GRM8: variants seen among roughly 807,000 people sequenced by gnomAD.
GRM8 encodes the protein metabotropic glutamate receptor 8.
Under a neutral mutation model 87.2 loss-of-function variants are expected in GRM8, and 47 were observed. That is an observed-to-expected ratio of 0.54 (90% confidence interval 0.43 to 0.69). GRM8 has a LOEUF of 0.69. GRM8 is among the 30% of genes least tolerant of loss of function. GRM8 has a pLI of 0.00. For synonymous variants in GRM8, 396 were observed against 404.5 expected (o/e 0.98, Z 0.25); for missense variants, 1,019 against 1,139.2 (o/e 0.89, Z 1.52).
At chr7:127,236,916 G>C (rs976090041) in intron 2 of GRM8, among the ~76,000 whole-genome samples, 8 of 152,242 alleles carry the variant, frequency 5.3e-5, no homozygotes, top group Admixed American at 4.6e-4. Flanking sequence ...TTACAGTCTA[G>C]TGGGGGATGC....
intron 6 of GRM8, among the ~76,000 whole-genome samples, chr7:126,850,435 T>C (rs556996653): frequency 3.9e-5 from 6 of 152,326 alleles, no homozygotes; most frequent in Admixed American, 1.3e-4. Context: ...GGAACACACC[T>C]GTAGTTGAGA....
chr7:126,701,798 G>T (rs1251144095), intron 7 of GRM8: 2 of 1,293,180 alleles, frequency 1.5e-6, no homozygotes, highest in Admixed American at 2.3e-5. Context: ...GTTGGCCAGG[G>T]TAGAGACATC....
chr7:126,536,095 A>T (rs1048231605), intron 8 of GRM8, among the ~76,000 whole-genome samples: 1 of 152,196 alleles, frequency 6.6e-6, no homozygotes, highest in African/African-American at 2.4e-5. Context: ...GCTCAAATTA[A>T]ACTTAGCTAC....
intron 9 of GRM8, among the ~76,000 whole-genome samples, chr7:126,477,129 T>G (rs943253820): frequency 1.3e-5 from 2 of 152,152 alleles, no homozygotes; most frequent in Non-Finnish European, 2.9e-5. Context: ...CTAAGTGAAG[T>G]AAGGCAGACA....
At chr7:126,964,547 CAT>C (rs745597824) in intron 3 of GRM8, among the ~76,000 whole-genome samples, 12 of 152,060 alleles carry the variant, frequency 7.9e-5, no homozygotes, top group Non-Finnish European at 1.6e-4. Flanking sequence ...AGCCAACAAA[CAT>C]ATGAAAAAAA....
At chr7:126,791,471 T>C (rs1253244881) in intron 6 of GRM8, among the ~76,000 whole-genome samples, 4 of 152,212 alleles carry the variant, frequency 2.6e-5, no homozygotes, top group Non-Finnish European at 4.4e-5. Flanking sequence ...TGTAACCAGG[T>C]AGGCTGCCAA....
chr7:126,541,741 A>G (rs1337364346), intron 8 of GRM8, among the ~76,000 whole-genome samples: 1 of 152,220 alleles, frequency 6.6e-6, no homozygotes, highest in Admixed American at 6.5e-5. Flanking sequence ...TGTTAGATAC[A>G]GATTATCAGG....
chr7:126,587,673 G>A (rs1796276825), intron 8 of GRM8, among the ~76,000 whole-genome samples: 1 of 143,482 alleles, frequency 7.0e-6, no homozygotes, highest in East Asian at 2.1e-4. Context: ...CACCGGGCCT[G>A]TCATGGGATG....
chr7:126,633,775 T>TATATGTGCCATATAA (rs1563038255), intron 7 of GRM8, among the ~76,000 whole-genome samples: 1 of 147,254 alleles, frequency 6.8e-6, no homozygotes, highest in Non-Finnish European at 1.5e-5. Context: ...TTAATCTATT[T>TATATGTGCCATATAA]ATATGTACCA....
intron 7 of GRM8, among the ~76,000 whole-genome samples, chr7:126,683,512 G>A (rs1807847701): frequency 1.3e-5 from 2 of 152,154 alleles, no homozygotes; most frequent in Non-Finnish European, 2.9e-5. Flanking sequence ...CAGACCTAGT[G>A]AGCCTTTCTC....
At chr7:126,604,318 T>G (rs1798138031) in intron 8 of GRM8, among the ~76,000 whole-genome samples, 1 of 152,116 alleles carries the variant, frequency 6.6e-6, no homozygotes. Flanking sequence ...TTGGGCTTAT[T>G]GTGTAGACAG....
At chr7:127,238,331 T>TGC (rs1472388046) in intron 2 of GRM8, among the ~76,000 whole-genome samples, 1 of 151,516 alleles carries the variant, frequency 6.6e-6, no homozygotes, top group Non-Finnish European at 1.5e-5. Context: ...TGTGTGTGTG[T>TGC]GTGTGTGTTA....
At chr7:126,714,278 A>T (rs1213806751) in intron 7 of GRM8, among the ~76,000 whole-genome samples, 1 of 137,060 alleles carries the variant, frequency 7.3e-6, no homozygotes, top group Admixed American at 7.5e-5. Flanking sequence ...ACTCCATCTC[A>T]AATAATAATA....
At chr7:127,137,329 A>C (rs1827998316) in intron 2 of GRM8, among the ~76,000 whole-genome samples, 1 of 152,076 alleles carries the variant, frequency 6.6e-6, no homozygotes, top group Non-Finnish European at 1.5e-5. Flanking sequence ...GATACCTCTA[A>C]GTTGTATAGG....
chr7:126,613,008 C>A (rs116646589), intron 7 of GRM8, among the ~76,000 whole-genome samples: 128 of 152,250 alleles, frequency 8.4e-4, no homozygotes, highest in African/African-American at 2.7e-3. Flanking sequence ...TTACTGATGA[C>A]CCTTGCATCT....
Position 126,858,130 on chromosome 7 carries a change from C to A in GRM8, c.1156+44412G>T, listed in dbSNP as rs184855139. 3.3e-5 allele frequency among the ~76,000 whole-genome samples: 5 copies of A among 152,208 alleles called. No individual in the cohort carries two copies. The East Asian group carries it at 5.8e-4, about 18-fold the overall frequency. ...AACTTGGTAATTAACCACTTCCCTT[C>A]AACCCTACACTGCCAAAGAAGAGGC... is the stretch of plus-strand genomic sequence containing the variant. On this transcript the variant is annotated intron_variant, in intron 6 of 10. Transcript: ENST00000339582.
chr7:126,498,498 A>G (rs543163903), intron 9 of GRM8, among the ~76,000 whole-genome samples: 1 of 151,430 alleles, frequency 6.6e-6, no homozygotes, highest in Admixed American at 6.6e-5. Context: ...AGACCATAGC[A>G]TGGGAAGCCC....
At chr7:126,942,394 C>T (rs1563338500) in intron 3 of GRM8, among the ~76,000 whole-genome samples, 1 of 152,082 alleles carries the variant, frequency 6.6e-6, no homozygotes. Flanking sequence ...AGGGCTGAGC[C>T]CATATTGCCA....
intron 3 of GRM8, among the ~76,000 whole-genome samples, chr7:126,984,514 G>A (rs755601190): frequency 4.4e-4 from 67 of 152,098 alleles, no homozygotes; most frequent in Non-Finnish European, 7.5e-4. Flanking sequence ...TCTTTCTCCC[G>A]TGCTAGATGC....
Sources: gnomAD v4.1 joint callset for allele counts (sites outside exome capture counted in the v4.1 genomes callset) on GRCh38, gnomAD v4.1.1 for gene constraint, MANE v1.5 for transcripts, NCBI Gene and HGNC (gene_info 2026-07-23, HGNC 2026-07-21) for gene names.